The following TXNRD3 variants were observed in gnomAD, a reference collection of about 807,000 sequenced individuals.
TXNRD3 encodes the protein TXNRD3 neighbor gene protein.
Under a neutral mutation model 78.2 loss-of-function variants are expected in TXNRD3, and 68 were observed. That is an observed-to-expected ratio of 0.87 (90% CI 0.72 to 1.06). The LOEUF is 1.06. Among genes scored for constraint, TXNRD3 ranks in the 50% least tolerant of loss-of-function variants. The pLI is 0.00. For missense variants in TXNRD3, 751 were observed against 809.5 expected (o/e 0.93, Z 0.88); for synonymous variants, 296 against 300.1 (o/e 0.99, Z 0.14).
intron 1 of TXNRD3, among the ~76,000 whole-genome samples, chr3:126,654,265 T>C (rs1285478720): frequency 6.6e-6 from 1 of 152,230 alleles, no homozygotes; most frequent in Non-Finnish European, 1.5e-5. Flanking sequence ...CCACGTATCA[T>C]TTTTCAACTT....
In TXNRD3 at chr3:126,629,391, T is replaced by C. The variant is rs1236798064; in HGVS notation, c.1278A>G (p.Gly426=). The C allele has an allele frequency of 6.5e-7, 1 of 1,534,984 alleles. No homozygotes were observed. Among genetic ancestry groups the C allele is most frequent in the Admixed American group, 2.0e-5 (1 of 50,978 alleles). The stretch of plus-strand genomic sequence containing the variant: ...AATAAAAACTCACTGTGTTATAGAC[T>C]CCTTCAATTGTTTCTGTTCCTTCAG... The change falls in exon 10 of 16, where the codon GGA becomes GGG. Residue 426 remains glycine, a synonymous_variant. Transcript: ENST00000524230.
At chr3:126,646,040 T>G (rs1292896186) in intron 3 of TXNRD3, 71 bp downstream of exon 3, 1 of 1,241,376 alleles carries the variant, frequency 8.1e-7, no homozygotes, top group Non-Finnish European at 1.1e-6. Flanking sequence ...TAAAAACCAT[T>G]TTCTCCTCTT....
intron 3 of TXNRD3, 136 bp downstream of exon 3, chr3:126,645,975 C>T (rs1272685322): frequency 1.5e-6 from 1 of 652,858 alleles, no homozygotes; most frequent in African/African-American, 1.9e-5. Flanking sequence ...TCAGTATTAT[C>T]TGATAATTAT....
chr3:126,620,625 G>A lies in TXNRD3; in HGVS notation c.1524+1117C>T, dbSNP rs576889926. On this transcript the variant is annotated intron_variant, in intron 12 of 15. Transcript: ENST00000524230. ...TCTGGGTGAAAGGTTCAATATGGGC[G>A]ATTGTTTTACTACTCTTTCTGTCTT... 3.2e-4 allele frequency among the ~76,000 whole-genome samples: 49 copies of A among 152,252 alleles called. No individual in the cohort carries two copies. The South Asian group carries it at 7.7e-3, about 24-fold the overall frequency.
chr3:126,621,529 C>T (rs1938456277), intron 12 of TXNRD3, among the ~76,000 whole-genome samples: 1 of 152,210 alleles, frequency 6.6e-6, no homozygotes. Context: ...CTGACCATGG[C>T]CAGTGCTTTG....
At chr3:126,622,653 A>C in intron 10 of TXNRD3, 113 bp from the exon 11 acceptor site, 1 of 748,574 alleles carries the variant, frequency 1.3e-6, no homozygotes, top group East Asian at 2.8e-5. Flanking sequence ...ATTACAAACA[A>C]TCTATGCCAA....
chr3:126,639,906 C>T (rs1217020827), intron 6 of TXNRD3, among the ~76,000 whole-genome samples: 1 of 151,936 alleles, frequency 6.6e-6, no homozygotes, highest in East Asian at 1.9e-4. Context: ...AAGAAGGATT[C>T]TTGAAAGCAA....
intron 12 of TXNRD3, 110 bp downstream of exon 12, chr3:126,621,632 T>C: frequency 9.4e-7 from 1 of 1,058,212 alleles, no homozygotes; most frequent in Non-Finnish European, 1.3e-6. Context: ...GCAAATTATA[T>C]CTCTGAGGAA....
chr3:126,610,065 G>A (rs1367308101), intron 14 of TXNRD3, among the ~76,000 whole-genome samples: 1 of 152,150 alleles, frequency 6.6e-6, no homozygotes, highest in East Asian at 1.9e-4. Context: ...CGCCATCCCT[G>A]TCACTGCCCT....
At chr3:126,612,065 G>T (rs1227446451) in intron 13 of TXNRD3, among the ~76,000 whole-genome samples, 1 of 151,998 alleles carries the variant, frequency 6.6e-6, no homozygotes, top group East Asian at 1.9e-4. Context: ...TTGAGACAGG[G>T]TCTCACTTTG....
rs1938463546 is a variant in TXNRD3, at chr3:126,621,831, T to TA, written c.1434dup (p.Ile479TyrfsTer5). On this transcript the variant is annotated frameshift_variant, in exon 12 of 16. Coordinates refer to ENST00000524230, the MANE Select transcript of TXNRD3 (RefSeq NM_052883.3). LOFTEE classifies it high-confidence loss of function. ...GTGAGCTCTGGCTTATCCTCCAAAA[T>TA]ATCACCAACAGCATAGACATATGGC... 6.5e-7 allele frequency: 1 copy of TA among 1,535,690 alleles called. No homozygotes were observed. The highest frequency in any genetic ancestry group is 8.7e-7 in the Non-Finnish European group (1 of 1,146,806).
chr3:126,645,881 C>T (rs994969582), intron 3 of TXNRD3, among the ~76,000 whole-genome samples: 1 of 152,164 alleles, frequency 6.6e-6, no homozygotes, highest in African/African-American at 2.4e-5. Flanking sequence ...CAGGGTGGCC[C>T]ACTGGTTTGT....
At chr3:126,629,302 T>A in intron 10 of TXNRD3, 77 bp downstream of exon 10, 4 of 1,037,722 alleles carry the variant, frequency 3.9e-6, no homozygotes, top group Non-Finnish European at 5.5e-6. Context: ...AATCCTGGTA[T>A]AATTTTCCCA....
At chr3:126,609,752 G>A (rs937221892) in intron 14 of TXNRD3, among the ~76,000 whole-genome samples, 1 of 152,132 alleles carries the variant, frequency 6.6e-6, no homozygotes, top group South Asian at 2.1e-4. Context: ...GATGGGAAAC[G>A]GGGCTGACAG....
chr3:126,631,257 A>T (rs2107618951), intron 8 of TXNRD3, among the ~76,000 whole-genome samples: 1 of 152,212 alleles, frequency 6.6e-6, no homozygotes, highest in East Asian at 1.9e-4. Flanking sequence ...CTATGTGAAG[A>T]GGTGTGTGTT....
intron 12 of TXNRD3, among the ~76,000 whole-genome samples, chr3:126,616,017 G>A (rs4147483): frequency 0.56 from 84,501 of 152,020 alleles, 24,256 homozygotes; most frequent in East Asian, 0.63. Flanking sequence ...CTAATACACC[G>A]CAGGGACAAG....
chr3:126,643,427 T>C, intron 5 of TXNRD3, among the ~76,000 whole-genome samples: 1 of 152,210 alleles, frequency 6.6e-6, no homozygotes, highest in East Asian at 1.9e-4. Context: ...AGCTAAACTG[T>C]AATTATTACA....
chr3:126,630,744 C>A lies in TXNRD3; in HGVS notation c.1165G>T (p.Val389Leu). ...GGTATGAATTTCCGTAGGAACTTCACACCATGCTGCTCCATGTAGGAACCC... is the reference window on the plus strand; with the variant it reads ...GGTATGAATTTCCGTAGGAACTTCAAACCATGCTGCTCCATGTAGGAACCC... The change falls in exon 9 of 16, where the codon GTG (valine) becomes TTG (leucine). Residue 389 changes from valine (V) to leucine (L), a missense_variant. By Grantham distance (32) the Val-to-Leu change is conservative. Transcript: ENST00000524230. The A allele has an allele frequency of 6.5e-7, 1 of 1,534,352 alleles. No individual in the cohort carries two copies. The highest frequency in any genetic ancestry group is 8.7e-7 in the Non-Finnish European group (1 of 1,146,864).
At chr3:126,619,637 G>A (rs78857271) in intron 12 of TXNRD3, among the ~76,000 whole-genome samples, 1,800 of 152,306 alleles carry the variant, frequency 0.012, 19 homozygotes, top group Middle Eastern at 0.048. Flanking sequence ...TTAAGTCCTA[G>A]TGCTTTACAG....
Sources: gnomAD v4.1 joint callset for allele counts (sites outside exome capture counted in the v4.1 genomes callset) on GRCh38, gnomAD v4.1.1 for gene constraint, MANE v1.5 for transcripts, NCBI Gene and HGNC (gene_info 2026-07-23, HGNC 2026-07-21) for gene names.